PJA2: variants seen among roughly 807,000 people sequenced by gnomAD.
PJA2 encodes E3 ubiquitin-protein ligase Praja-2.
In PJA2, 25 loss-of-function variants were observed where a neutral mutation model predicts 69.3. That is an observed-to-expected ratio of 0.36 (90% confidence interval 0.26 to 0.50). The LOEUF (loss-of-function observed/expected upper bound fraction) is 0.50. PJA2 is among the 20% of genes least tolerant of loss of function. The pLI is 0.96. For synonymous variants in PJA2, 308 were observed against 277.8 expected (o/e 1.11, Z -1.08); for missense variants, 809 against 830.2 (o/e 0.97, Z 0.31).
intron 7 of PJA2, among the ~76,000 whole-genome samples, chr5:109,351,840 TG>T (rs1255582453): frequency 6.6e-6 from 1 of 152,164 alleles, no homozygotes; most frequent in African/African-American, 2.4e-5. Context: ...GTTTTGTTTT[TG>T]TTTCATTTAA....
chr5:109,353,854 T>G, intron 7 of PJA2, among the ~76,000 whole-genome samples: 1 of 42,204 alleles, frequency 2.4e-5, no homozygotes, highest in East Asian at 4.5e-4. Context: ...AGATTAGATG[T>G]CTATGATATC....
At chr5:109,357,714 T>G (rs754024902) in intron 6 of PJA2, among the ~76,000 whole-genome samples, 4 of 152,258 alleles carry the variant, frequency 2.6e-5, no homozygotes, top group Non-Finnish European at 4.4e-5. Context: ...TAAGGTGGTA[T>G]GTACCAGTGC....
chr5:109,397,975 T>A (rs572542433), intron 1 of PJA2, among the ~76,000 whole-genome samples: 3 of 152,026 alleles, frequency 2.0e-5, no homozygotes, highest in African/African-American at 7.2e-5. Context: ...AACAACCCCA[T>A]CAAAAAGTGG....
chr5:109,383,508 C>T lies in PJA2; in HGVS notation c.-75G>A. 1.6e-6 allele frequency: 2 copies of T among 1,221,390 alleles called. No individual in the cohort carries two copies. The highest frequency in any genetic ancestry group is 1.3e-5 in the South Asian group (1 of 74,290). The allele number at this position is 1,221,390 out of a possible 1,614,324, so 75.7% of individuals were successfully genotyped here. A position where few individuals can be genotyped will look rare whatever the true frequency, so the allele number is the denominator to read the frequency against. On this transcript the variant is annotated 5_prime_UTR_variant, in exon 2 of 10. Transcript: ENST00000361189. ...AGTTTTTATTCACACTATGGACAAG[C>T]CGCAGAAGATTCCTACAAAGAAACA...
intron 5 of PJA2, among the ~76,000 whole-genome samples, chr5:109,365,408 C>T (rs1762568832): frequency 6.6e-6 from 1 of 152,110 alleles, no homozygotes; most frequent in South Asian, 2.1e-4. Flanking sequence ...AAGGTGTACA[C>T]ATATGTCTAC....
chr5:109,388,098 T>G (rs1292943729), intron 1 of PJA2, among the ~76,000 whole-genome samples: 1 of 152,196 alleles, frequency 6.6e-6, no homozygotes, highest in Non-Finnish European at 1.5e-5. Flanking sequence ...TGTGACTGTG[T>G]GTGATGTGCA....
intron 4 of PJA2, among the ~76,000 whole-genome samples, chr5:109,374,668 C>T (rs547665606): frequency 1.3e-5 from 2 of 152,244 alleles, no homozygotes; most frequent in South Asian, 4.1e-4. Context: ...ACATCATCAA[C>T]AAAGTAAGTT....
intron 1 of PJA2, among the ~76,000 whole-genome samples, chr5:109,407,364 C>G (rs955348424): frequency 6.6e-5 from 10 of 152,030 alleles, no homozygotes; most frequent in African/African-American, 2.2e-4. Context: ...AAAACAACAA[C>G]ATAAGCATCT....
rs893535268 is a variant in PJA2 at position 109,384,047 on chromosome 5, T to C, written c.-87-527A>G. Among the ~76,000 whole-genome samples, 11 of 152,244 alleles carry C rather than the reference T, an allele frequency of 7.2e-5. 1 individual carries two copies. Among genetic ancestry groups the C allele is most frequent in the Admixed American group, 5.9e-4 (9 of 15,286 alleles). On this transcript the variant is annotated intron_variant, in intron 1 of 9. Coordinates refer to ENST00000361189, the MANE Select transcript of PJA2 (RefSeq NM_014819.5). ...ACATCTGCTCTTGATAAACCTTGCC[T>C]AAGTATATATCATCCTTAAGACTGT...
In PJA2 at chr5:109,362,851, A is replaced by G. The variant is rs748854427; in HGVS notation, c.1641T>C (p.Asp547=). Residue 547 remains aspartate, a synonymous_variant, in exon 6 of 10, where the codon GAT becomes GAC. Transcript: ENST00000361189. ...EDDSSVSEDL[D]VDWSLFDGFA... is the part of the protein sequence containing the mutation. ...ATCGTGCTACATACCTCCAATCCAC[A>G]TCTAAGTCTTCACTCACACTGGAGT... 1.2e-6 allele frequency: 2 copies of G among 1,607,754 alleles called. No homozygotes were observed. Among genetic ancestry groups the G allele is most frequent in the South Asian group, 2.2e-5 (2 of 90,376 alleles).
Position 109,395,829 on chromosome 5 carries a change from T to C in PJA2, c.-87-12309A>G, listed in dbSNP as rs564486625. Among the ~76,000 whole-genome samples, 9 of 151,926 alleles carry C rather than the reference T, an allele frequency of 5.9e-5. No individual in the cohort carries two copies. In the East Asian group the frequency reaches 1.8e-3, roughly 30 times the overall value. ...GCCTGACTAACGTGGTGAAACCCCA[T>C]TTCTACTAAAAATACAAAAAATTAG... On this transcript the variant is annotated intron_variant, in intron 1 of 9. Coordinates refer to ENST00000361189, the MANE Select transcript of PJA2 (RefSeq NM_014819.5).
intron 7 of PJA2, among the ~76,000 whole-genome samples, chr5:109,353,521 T>TCA (rs1291291441): frequency 3.0e-5 from 4 of 132,090 alleles, no homozygotes; most frequent in Non-Finnish European, 6.1e-5. Context: ...TATCTATATA[T>TCA]TAGATATCTA....
intron 9 of PJA2, among the ~76,000 whole-genome samples, chr5:109,342,034 C>T (rs1343654491): frequency 2.2e-5 from 3 of 133,908 alleles, no homozygotes; most frequent in East Asian, 4.6e-4. Context: ...CCAGCCGCCC[C>T]GTCCGGGAGG....
intron 2 of PJA2, among the ~76,000 whole-genome samples, chr5:109,382,438 A>G (rs190608335): frequency 6.6e-6 from 1 of 152,340 alleles, no homozygotes; most frequent in Admixed American, 6.5e-5. Flanking sequence ...TAAGTAGTAC[A>G]TTATTATACA....
chr5:109,385,898 C>G (rs186358210), intron 1 of PJA2, among the ~76,000 whole-genome samples: 2 of 150,586 alleles, frequency 1.3e-5, no homozygotes, highest in African/African-American at 2.4e-5. Context: ...ACACATCTTA[C>G]ACACACAGTC....
intron 4 of PJA2, among the ~76,000 whole-genome samples, chr5:109,375,943 G>A (rs1304164239): frequency 6.6e-6 from 1 of 152,190 alleles, no homozygotes; most frequent in East Asian, 1.9e-4. Flanking sequence ...TTTCTGTTCA[G>A]AAATAGAATA....
intron 9 of PJA2, among the ~76,000 whole-genome samples, chr5:109,341,551 G>C (rs1395588614): frequency 2.1e-5 from 3 of 141,948 alleles, no homozygotes; most frequent in Non-Finnish European, 4.7e-5. Context: ...AGGGAGGTGG[G>C]GGGGGGTCAG....
At chr5:109,351,806 C>G (rs562448077) in intron 7 of PJA2, among the ~76,000 whole-genome samples, 8 of 151,972 alleles carry the variant, frequency 5.3e-5, no homozygotes, top group Middle Eastern at 3.4e-3. Context: ...GCTTGAGAAA[C>G]AAACAAACAA....
intron 5 of PJA2, among the ~76,000 whole-genome samples, chr5:109,366,055 G>T (rs949832931): frequency 6.6e-6 from 1 of 151,978 alleles, no homozygotes; most frequent in African/African-American, 2.4e-5. Context: ...CCAGATATTA[G>T]AACTTTTTTT....
Sources: allele counts gnomAD v4.1 joint callset (sites outside exome capture counted in the v4.1 genomes callset), GRCh38; gene constraint gnomAD v4.1.1; transcripts MANE v1.5; gene names NCBI Gene and HGNC (gene_info 2026-07-23, HGNC 2026-07-21).